FRMD4A: variants seen among roughly 807,000 people sequenced by gnomAD.
FRMD4A encodes the protein FERM domain-containing protein 4A.
Under a neutral mutation model 129.1 loss-of-function variants are expected in FRMD4A, and 29 were observed. The observed-to-expected ratio is 0.22, with a 90% CI of 0.17 to 0.31. The LOEUF (loss-of-function observed/expected upper bound fraction) is 0.31. Among genes scored for constraint, FRMD4A ranks in the 10% least tolerant of loss-of-function variants. The pLI, the probability that FRMD4A is intolerant of heterozygous loss-of-function variation, is 1.00. For synonymous variants in FRMD4A, 634 were observed against 571.6 expected (o/e 1.11, Z -1.56); for missense variants, 1,272 against 1,375.8 (o/e 0.92, Z 1.19).
intron 2 of FRMD4A, among the ~76,000 whole-genome samples, chr10:14,118,034 G>A (rs993396147): frequency 6.6e-6 from 1 of 152,170 alleles, no homozygotes; most frequent in Admixed American, 6.6e-5. Flanking sequence ...GATGGGGTGA[G>A]GCCTGGATGC....
At chr10:13,799,950 C>T (rs940680912) in intron 4 of FRMD4A, among the ~76,000 whole-genome samples, 1 of 151,966 alleles carries the variant, frequency 6.6e-6, no homozygotes, top group African/African-American at 2.4e-5. Flanking sequence ...GAGGCTGAGG[C>T]AGGCGGATCA....
At chr10:13,986,818 G>C (rs2095583281) in intron 2 of FRMD4A, among the ~76,000 whole-genome samples, 1 of 151,868 alleles carries the variant, frequency 6.6e-6, no homozygotes. Flanking sequence ...CAGCCAAGGA[G>C]AAGAACCACT....
intron 2 of FRMD4A, among the ~76,000 whole-genome samples, chr10:14,310,928 C>G (rs1460027575): frequency 6.6e-6 from 1 of 152,066 alleles, no homozygotes; most frequent in Admixed American, 6.5e-5. Flanking sequence ...CTTGTGTGTC[C>G]CCATCTTAGT....
intron 2 of FRMD4A, among the ~76,000 whole-genome samples, chr10:14,222,944 CT>C (rs1589190714): frequency 1.3e-5 from 2 of 152,144 alleles, no homozygotes; most frequent in East Asian, 3.9e-4. Flanking sequence ...AAAAATTAGC[CT>C]GGCATAGTGG....
chr10:14,140,996 C>T (rs943024120), intron 2 of FRMD4A, among the ~76,000 whole-genome samples: 6 of 152,038 alleles, frequency 3.9e-5, no homozygotes, highest in African/African-American at 1.4e-4. Context: ...AGGGAAGTGG[C>T]AGTCCAACCC....
intron 12 of FRMD4A, among the ~76,000 whole-genome samples, chr10:13,721,706 G>A (rs551095623): frequency 7.2e-5 from 11 of 152,288 alleles, no homozygotes; most frequent in South Asian, 4.1e-4. Context: ...CTGGGGCAGC[G>A]GCACCTCAGG....
intron 2 of FRMD4A, among the ~76,000 whole-genome samples, chr10:13,925,534 G>A (rs1049137749): frequency 3.6e-5 from 5 of 139,658 alleles, no homozygotes; most frequent in Non-Finnish European, 3.0e-5. Flanking sequence ...AACAATATCG[G>A]GCCCAGTGAA....
At chr10:14,050,541 G>C (rs982785409) in intron 2 of FRMD4A, among the ~76,000 whole-genome samples, 1 of 152,090 alleles carries the variant, frequency 6.6e-6, no homozygotes, top group African/African-American at 2.4e-5. Context: ...TCATAAGATC[G>C]TTAAGGGAGG....
intron 2 of FRMD4A, among the ~76,000 whole-genome samples, chr10:14,218,492 G>A (rs1012533284): frequency 2.0e-5 from 3 of 152,170 alleles, no homozygotes; most frequent in Non-Finnish European, 4.4e-5. Flanking sequence ...GAAGTTCTTT[G>A]TATTTACAAT....
intron 2 of FRMD4A, among the ~76,000 whole-genome samples, chr10:13,993,753 G>T (rs2095611919): frequency 6.6e-6 from 1 of 152,032 alleles, no homozygotes; most frequent in South Asian, 2.1e-4. Context: ...CAAAGAGGAT[G>T]TCATCTTCCT....
intron 4 of FRMD4A, among the ~76,000 whole-genome samples, chr10:13,797,359 G>A (rs2093142381): frequency 6.6e-6 from 1 of 152,318 alleles, no homozygotes. Flanking sequence ...ACCGCCAGGG[G>A]CAGTGGCTCA....
chr10:14,098,716 G>A (rs1385761795), intron 2 of FRMD4A, among the ~76,000 whole-genome samples: 2 of 152,048 alleles, frequency 1.3e-5, no homozygotes, highest in African/African-American at 4.8e-5. Flanking sequence ...CCTGAATATG[G>A]TTCTCAAGAA....
At chr10:13,673,882 C>T (rs2083739128) in intron 16 of FRMD4A, among the ~76,000 whole-genome samples, 1 of 148,282 alleles carries the variant, frequency 6.7e-6, no homozygotes, top group Non-Finnish European at 1.5e-5. Flanking sequence ...CTCAAGCGAT[C>T]CTCCTGCCTC....
intron 6 of FRMD4A, among the ~76,000 whole-genome samples, chr10:13,778,655 C>A (rs1183373447): frequency 6.7e-6 from 1 of 150,272 alleles, no homozygotes; most frequent in Admixed American, 6.7e-5. Context: ...TGGGTTTTTG[C>A]AATCCCTAGG....
chr10:14,217,620 T>C (rs1453093100), intron 2 of FRMD4A, among the ~76,000 whole-genome samples: 1 of 152,244 alleles, frequency 6.6e-6, no homozygotes, highest in East Asian at 1.9e-4. Flanking sequence ...AACAGAAGAA[T>C]TCAACCACCC....
intron 2 of FRMD4A, among the ~76,000 whole-genome samples, chr10:14,032,821 G>C (rs1833310803): frequency 6.6e-6 from 1 of 152,182 alleles, no homozygotes; most frequent in South Asian, 2.1e-4. Context: ...GAAGGAAATG[G>C]GGCTGAGTGT....
chr10:14,160,852 G>T (rs192808470), intron 2 of FRMD4A, among the ~76,000 whole-genome samples: 4 of 152,132 alleles, frequency 2.6e-5, no homozygotes, highest in Admixed American at 6.5e-5. Context: ...TTATCAAAGA[G>T]ACAAAAAATA....
intron 2 of FRMD4A, among the ~76,000 whole-genome samples, chr10:14,190,154 C>G (rs1400187120): frequency 6.6e-6 from 1 of 152,208 alleles, no homozygotes; most frequent in African/African-American, 2.4e-5. Flanking sequence ...GACAGAAAAA[C>G]TGTGGAACAG....
chr10:13,769,574 T>G (rs549750373), intron 6 of FRMD4A, among the ~76,000 whole-genome samples: 92 of 152,168 alleles, frequency 6.0e-4, no homozygotes, highest in African/African-American at 2.1e-3. Flanking sequence ...CCTCCCAAAG[T>G]GCTGGGATTA....
Sources: allele counts gnomAD v4.1 joint callset (sites outside exome capture counted in the v4.1 genomes callset), GRCh38; gene constraint gnomAD v4.1.1; transcripts MANE v1.5; gene names NCBI Gene and HGNC (gene_info 2026-07-23, HGNC 2026-07-21).